The following ADGRB3 variants were observed in gnomAD, a reference collection of about 807,000 sequenced individuals.
ADGRB3 encodes brain-specific angiogenesis inhibitor 3.
Under a neutral mutation model 193.4 loss-of-function variants are expected in ADGRB3, and 37 were observed. That is an observed-to-expected ratio of 0.19 (90% CI 0.15 to 0.25). ADGRB3 has a LOEUF of 0.25. Among genes scored for constraint, ADGRB3 ranks in the 10% least tolerant of loss-of-function variants. The probability of loss-of-function intolerance (pLI) is 1.00; values close to 1 mark genes in which losing one functional copy is unlikely to be tolerated. For synonymous variants in ADGRB3, 690 were observed against 644.2 expected (o/e 1.07, Z -1.08); for missense variants, 1,637 against 1,852.9 (o/e 0.88, Z 2.14).
At chr6:68,784,252 T>C (rs1423580507) in intron 3 of ADGRB3, among the ~76,000 whole-genome samples, 1 of 152,110 alleles carries the variant, frequency 6.6e-6, no homozygotes, top group East Asian at 1.9e-4. Flanking sequence ...GTCTACTAAA[T>C]GGCAGAGCCA....
In ADGRB3 at chr6:69,388,588, C is replaced by G. The variant is rs999822885; in HGVS notation, c.4381-115C>G. The G allele has an allele frequency of 6.4e-5, 64 of 998,672 alleles. No homozygotes were observed. In the Middle Eastern group the frequency reaches 8.5e-4, roughly 13 times the overall value. The allele number at this position is 998,672 out of a possible 1,614,324, so 61.9% of individuals were successfully genotyped here. Reference sequence around the variant, plus strand: ...ACAGTTGGCCGTATTTTCAAGTCATCTCTGCATCACAGAAACTGGATTAAG... The same window carrying G: ...ACAGTTGGCCGTATTTTCAAGTCATGTCTGCATCACAGAAACTGGATTAAG... On this transcript the variant is annotated intron_variant, in intron 31 of 31. Coordinates refer to ENST00000370598, the MANE Select transcript of ADGRB3 (RefSeq NM_001704.3).
chr6:69,347,954 C>G (rs117026802), intron 26 of ADGRB3, among the ~76,000 whole-genome samples: 1 of 152,102 alleles, frequency 6.6e-6, no homozygotes, highest in Non-Finnish European at 1.5e-5. Flanking sequence ...TCTTATATAC[C>G]TTTCCAAGAA....
At chr6:68,893,363 T>C (rs188788591) in intron 3 of ADGRB3, among the ~76,000 whole-genome samples, 2 of 152,118 alleles carry the variant, frequency 1.3e-5, no homozygotes, top group Non-Finnish European at 2.9e-5. Flanking sequence ...GATGGTGCAA[T>C]ATTTTTAGGT....
chr6:69,307,146 G>A (rs372359423), intron 20 of ADGRB3, among the ~76,000 whole-genome samples: 11 of 151,190 alleles, frequency 7.3e-5, no homozygotes, highest in Non-Finnish European at 1.2e-4. Context: ...AGAGTAAGAA[G>A]TACAGTTGCA....
chr6:69,339,071 A>G, intron 25 of ADGRB3, 57 bp downstream of exon 25: 1 of 1,567,388 alleles, frequency 6.4e-7, no homozygotes, highest in Non-Finnish European at 8.8e-7. Context: ...GCATGTGAGA[A>G]AATGCTATGA....
chr6:69,035,406 T>C (rs1232411516), intron 13 of ADGRB3, among the ~76,000 whole-genome samples: 1 of 152,202 alleles, frequency 6.6e-6, no homozygotes, highest in East Asian at 1.9e-4. Flanking sequence ...GAAGTAAGTA[T>C]CTACAGATCC....
At chr6:68,949,689 A>G (rs1209824805) in intron 6 of ADGRB3, among the ~76,000 whole-genome samples, 1 of 152,142 alleles carries the variant, frequency 6.6e-6, no homozygotes, top group Non-Finnish European at 1.5e-5. Flanking sequence ...CTGTTCTTTA[A>G]TTGATATGGA....
At chr6:69,232,688 T>A in intron 17 of ADGRB3, 1 of 1,398,038 alleles carries the variant, frequency 7.2e-7, no homozygotes, top group Non-Finnish European at 9.7e-7. Context: ...CGGAACCAGC[T>A]GATGCCGCTG....
At chr6:68,754,037 A>G (rs1399833691) in intron 3 of ADGRB3, among the ~76,000 whole-genome samples, 1 of 152,182 alleles carries the variant, frequency 6.6e-6, no homozygotes, top group Admixed American at 6.6e-5. Context: ...TGAGTTCTGT[A>G]AAAGAGCGGG....
At chr6:68,659,011 G>C (rs1768557817) in intron 3 of ADGRB3, among the ~76,000 whole-genome samples, 1 of 150,880 alleles carries the variant, frequency 6.6e-6, no homozygotes, top group Non-Finnish European at 1.5e-5. Flanking sequence ...TCATTCCCTG[G>C]CTTAGAGAAT....
chr6:69,133,886 C>T (rs1403640781), intron 17 of ADGRB3, among the ~76,000 whole-genome samples: 1 of 151,964 alleles, frequency 6.6e-6, no homozygotes, highest in East Asian at 1.9e-4. Context: ...CATTCTTATG[C>T]CTTTACATCT....
intron 26 of ADGRB3, among the ~76,000 whole-genome samples, chr6:69,346,387 G>C (rs1048473434): frequency 6.6e-6 from 1 of 152,080 alleles, no homozygotes; most frequent in Admixed American, 6.6e-5. Flanking sequence ...TACCAAAACA[G>C]ATATATAGAC....
intron 17 of ADGRB3, among the ~76,000 whole-genome samples, chr6:69,172,688 A>G (rs76639184): frequency 9.9e-4 from 148 of 150,206 alleles, no homozygotes; most frequent in African/African-American, 3.4e-3. Flanking sequence ...ATAAAGAAAA[A>G]GAAAAGAAAG....
rs192575400 is a variant in ADGRB3 at position 69,026,130 on chromosome 6, C to T, written c.2107+7631C>T. ...GTGAATGAATTAGACAAACCTCTTG[C>T]TCTCATGGAATTTATGTTTTGTGGT... is the stretch of plus-strand genomic sequence containing the variant. On this transcript the variant is annotated intron_variant, in intron 13 of 31. Coordinates refer to ENST00000370598, the MANE Select transcript of ADGRB3 (RefSeq NM_001704.3). Among the ~76,000 whole-genome samples the T allele has an allele frequency of 2.3e-3, 350 of 152,286 alleles. 6 individuals are homozygous for T. The highest frequency in any genetic ancestry group is 1.9e-3 in the South Asian group (9 of 4,824).
intron 3 of ADGRB3, among the ~76,000 whole-genome samples, chr6:68,741,229 A>G (rs1476839910): frequency 6.6e-6 from 1 of 152,188 alleles, no homozygotes. Context: ...TGAAACTACC[A>G]CAACAAAAAC....
intron 3 of ADGRB3, among the ~76,000 whole-genome samples, chr6:68,702,452 A>G (rs1464248613): frequency 6.6e-6 from 1 of 152,160 alleles, no homozygotes; most frequent in Non-Finnish European, 1.5e-5. Flanking sequence ...GGATTGATAA[A>G]TTGCTTATGA....
At chr6:68,843,240 C>T (rs1768199719) in intron 3 of ADGRB3, among the ~76,000 whole-genome samples, 1 of 151,806 alleles carries the variant, frequency 6.6e-6, no homozygotes, top group Non-Finnish European at 1.5e-5. Flanking sequence ...TCAAGTTATC[C>T]TTGTTTGCAT....
intron 13 of ADGRB3, among the ~76,000 whole-genome samples, chr6:69,032,608 C>G (rs2150294372): frequency 6.6e-6 from 1 of 152,248 alleles, no homozygotes; most frequent in Non-Finnish European, 1.5e-5. Context: ...TTCACCTTTT[C>G]AAAAATCTTA....
Position 69,095,828 on chromosome 6 carries a change from C to CAA in ADGRB3, c.2480+19791_2480+19792dup, listed in dbSNP as rs572014871. 2.2e-3 allele frequency among the ~76,000 whole-genome samples: 332 copies of CAA among 152,256 alleles called. 1 individual carries two copies. Among genetic ancestry groups the CAA allele is most frequent in the African/African-American group, 7.7e-3 (320 of 41,542 alleles). On this transcript the variant is annotated intron_variant, in intron 17 of 31. Transcript: ENST00000370598. ...ATGCACGCGTGCACACACACACACA[C>CAA]AACCCTCTTGCTTGTTTGTACTGTT...
Sources: allele counts gnomAD v4.1 joint callset (sites outside exome capture counted in the v4.1 genomes callset), GRCh38; gene constraint gnomAD v4.1.1; transcripts MANE v1.5; gene names NCBI Gene and HGNC (gene_info 2026-07-23, HGNC 2026-07-21).